The following ZC3H12B variants were observed in gnomAD, a reference collection of about 807,000 sequenced individuals.
The protein encoded by ZC3H12B is probable ribonuclease ZC3H12B.
In ZC3H12B, 7 loss-of-function variants were observed where a neutral mutation model predicts 43.9. The observed-to-expected ratio is 0.16, with a 90% CI of 0.09 to 0.30. ZC3H12B has a LOEUF of 0.30. Ranked by LOEUF, ZC3H12B falls within the 10% of genes least tolerant of loss-of-function variation. ZC3H12B has a pLI of 1.00. For synonymous variants in ZC3H12B, 222 were observed against 241.7 expected (o/e 0.92, Z 0.76); for missense variants, 475 against 670.2 (o/e 0.71, Z 3.22).
At chrX:65,483,600 TG>T (rs1447190282) in intron 3 of ZC3H12B, among the ~76,000 whole-genome samples, 1 of 111,885 alleles carries the variant, frequency 8.9e-6, no homozygotes. Context: ...AAAACTGGAT[TG>T]TGTAGGTAAT....
chrX:65,113,446 C>T, the ZC3H12B span, among the ~76,000 whole-genome samples: 1 of 110,630 alleles, frequency 9.0e-6, no homozygotes, highest in East Asian at 2.9e-4. Context: ...TGCCTGTAAT[C>T]CCAGTGATTT....
At chrX:65,454,274 C>T in intron 3 of ZC3H12B, among the ~76,000 whole-genome samples, 1 of 112,146 alleles carries the variant, frequency 8.9e-6, no homozygotes. Context: ...TTGGGTCACT[C>T]CCACCCTAAT....
the ZC3H12B span, among the ~76,000 whole-genome samples, chrX:65,127,207 G>A: frequency 2.7e-5 from 3 of 111,687 alleles, no homozygotes; most frequent in Non-Finnish European, 5.7e-5. Context: ...TTGGTGTGGT[G>A]TTCTCCCCCT....
At chrX:65,225,095 C>T in the ZC3H12B span, among the ~76,000 whole-genome samples, 1 of 112,000 alleles carries the variant, frequency 8.9e-6, no homozygotes, top group Non-Finnish European at 1.9e-5. Context: ...TGACCCCTGA[C>T]CCCCGAGCAG....
chrX:65,227,492 C>T, the ZC3H12B span, among the ~76,000 whole-genome samples: 8 of 110,409 alleles, frequency 7.2e-5, no homozygotes, highest in East Asian at 1.7e-3. Context: ...CAAGAGCAAA[C>T]ACATTCAAAA....
chrX:65,355,697 G>A, the ZC3H12B span, among the ~76,000 whole-genome samples: 6 of 111,655 alleles, frequency 5.4e-5, no homozygotes, highest in African/African-American at 2.0e-4. Context: ...TTTTGGTCAG[G>A]CATGGTGGAA....
At chrX:65,323,451 T>G in the ZC3H12B span, among the ~76,000 whole-genome samples, 1 of 111,941 alleles carries the variant, frequency 8.9e-6, no homozygotes, top group East Asian at 2.8e-4. Flanking sequence ...GTGTTTGGTT[T>G]TCTGATCCTG....
intron 3 of ZC3H12B, among the ~76,000 whole-genome samples, chrX:65,443,735 C>T (rs1331384271): frequency 3.6e-5 from 4 of 112,360 alleles, no homozygotes; most frequent in Non-Finnish European, 5.6e-5. Flanking sequence ...AACCCACAAC[C>T]TTCCAGTTTG....
the ZC3H12B span, among the ~76,000 whole-genome samples, chrX:65,281,955 A>T: frequency 8.9e-6 from 1 of 112,144 alleles, no homozygotes; most frequent in Non-Finnish European, 1.9e-5. Flanking sequence ...ACGGTTAAAC[A>T]TAGGGAAACC....
chrX:65,132,859 A>G, the ZC3H12B span, among the ~76,000 whole-genome samples: 1 of 111,032 alleles, frequency 9.0e-6, no homozygotes, highest in Non-Finnish European at 1.9e-5. Flanking sequence ...AGTGTCTGTG[A>G]TGGTCTAGGA....
upstream of ZC3H12B, among the ~76,000 whole-genome samples, chrX:65,366,084 T>A (rs1326084765): frequency 9.0e-6 from 1 of 110,612 alleles, no homozygotes; most frequent in Non-Finnish European, 1.9e-5. Context: ...TCAATTTGGC[T>A]TTTATTGGCT....
At chrX:65,302,057 T>C in the ZC3H12B span, among the ~76,000 whole-genome samples, 2 of 111,035 alleles carry the variant, frequency 1.8e-5, no homozygotes, top group Non-Finnish European at 3.8e-5. Context: ...AAGAAACCTA[T>C]ACCTAACAAT....
At chrX:65,203,309 A>G in the ZC3H12B span, among the ~76,000 whole-genome samples, 1,486 of 111,509 alleles carry the variant, frequency 0.013, 22 homozygotes, top group African/African-American at 0.046. Context: ...GTCTCTTTCC[A>G]TAGCCACCAC....
At chrX:65,073,569 A>T in the ZC3H12B span, among the ~76,000 whole-genome samples, 84 of 111,996 alleles carry the variant, frequency 7.5e-4, no homozygotes, top group African/African-American at 2.7e-3. Flanking sequence ...CCCTAGAGCT[A>T]AAGTTTCCTA....
At chrX:65,452,596 T>A (rs1354912413) in intron 3 of ZC3H12B, among the ~76,000 whole-genome samples, 1 of 111,412 alleles carries the variant, frequency 9.0e-6, no homozygotes, top group Non-Finnish European at 1.9e-5. Context: ...ATCCCAACAC[T>A]TTGGGAGGCC....
At chrX:65,065,880 A>C in the ZC3H12B span, among the ~76,000 whole-genome samples, 1 of 99,763 alleles carries the variant, frequency 1.0e-5, no homozygotes, top group African/African-American at 3.7e-5. Context: ...TTCACTCTTT[A>C]TTTCATTAAG....
At chrX:65,046,256 G>A in the ZC3H12B span, among the ~76,000 whole-genome samples, 2 of 111,793 alleles carry the variant, frequency 1.8e-5, no homozygotes, top group Non-Finnish European at 3.8e-5. Context: ...AGTCCTAGAT[G>A]GCATCTTCTT....
the ZC3H12B span, among the ~76,000 whole-genome samples, chrX:65,237,414 G>C: frequency 9.0e-6 from 1 of 111,482 alleles, no homozygotes; most frequent in Non-Finnish European, 1.9e-5. Flanking sequence ...CATTCATTTT[G>C]TATTCTGAGA....
chrX:65,204,876 C>T, the ZC3H12B span, among the ~76,000 whole-genome samples: 1 of 111,952 alleles, frequency 8.9e-6, no homozygotes, highest in Admixed American at 9.5e-5. Flanking sequence ...TTATCTGCTG[C>T]TCATTTCCTA....
Sources: allele counts gnomAD v4.1 joint callset (sites outside exome capture counted in the v4.1 genomes callset), GRCh38; gene constraint gnomAD v4.1.1; transcripts MANE v1.5; gene names NCBI Gene and HGNC (gene_info 2026-07-23, HGNC 2026-07-21).